The following TET3 variants were observed in gnomAD, a reference collection of about 807,000 sequenced individuals.
TET3 encodes the protein methylcytosine dioxygenase TET3.
In TET3, 19 loss-of-function variants were observed where a neutral mutation model predicts 141.4. The observed-to-expected ratio is 0.13, with a 90% CI of 0.09 to 0.20. The LOEUF is 0.20. Ranked by LOEUF, TET3 falls within the 10% of genes least tolerant of loss-of-function variation. TET3 has a pLI of 1.00. For missense variants in TET3, 1,874 were observed against 2,356.9 expected, an observed-to-expected ratio of 0.80 and a Z score of 4.24; for synonymous variants, 1,043 against 980.9, an observed-to-expected ratio of 1.06 and a Z score of -1.18.
chr2:74,035,885 T>C (rs895372586), intron 3 of TET3, among the ~76,000 whole-genome samples: 2 of 151,490 alleles, frequency 1.3e-5, no homozygotes, highest in African/African-American at 4.9e-5. Flanking sequence ...GGGTGTGATG[T>C]TGTGCGCCTG....
intron 3 of TET3, among the ~76,000 whole-genome samples, chr2:74,017,283 A>G (rs1312283185): frequency 8.5e-5 from 13 of 152,178 alleles, no homozygotes; most frequent in Admixed American, 7.9e-4. Flanking sequence ...CAACCAAACA[A>G]TAAATTGTGA....
At position 74,093,033 on chromosome 2, in the gene TET3, C is replaced by T; in HGVS notation, c.3129+42C>T. The T allele has an allele frequency of 6.6e-7, 1 of 1,519,804 alleles. No homozygotes were observed. Among genetic ancestry groups the T allele is most frequent in the South Asian group, 1.2e-5 (1 of 83,392 alleles). The allele number at this position is 1,519,804 out of a possible 1,614,324, so 94.1% of individuals were successfully genotyped here. On this transcript the variant is annotated intron_variant, in intron 9 of 11. Coordinates refer to ENST00000409262, the MANE Select transcript of TET3 (RefSeq NM_001287491.2). This position sits in a 1 kb window ranked among gnomAD's most constrained non-coding sequence, Gnocchi z 4.2. ...CTTTTGCTGCCCACATGTCACCGTC[C>T]ACATCTCTGCTCAGGCTCTGAAGGT...
intron 11 of TET3, 55 bp downstream of exon 11, chr2:74,099,667 G>T (rs1691056931): frequency 2.7e-6 from 4 of 1,466,326 alleles, no homozygotes; most frequent in Admixed American, 2.4e-5. Flanking sequence ...CCTCATGGGG[G>T]CCCCTGCTCT....
chr2:74,004,451 C>A (rs1029784998), intron 3 of TET3, among the ~76,000 whole-genome samples: 12 of 152,128 alleles, frequency 7.9e-5, no homozygotes, highest in African/African-American at 2.9e-4. Context: ...ATAGGGACTT[C>A]TAGGTGAGGC....
intron 3 of TET3, among the ~76,000 whole-genome samples, chr2:74,009,916 G>A (rs1408288130): frequency 1.3e-5 from 2 of 152,246 alleles, no homozygotes; most frequent in East Asian, 3.8e-4. Flanking sequence ...TCAGGTATGA[G>A]GGCTGGAAGC....
intron 4 of TET3, among the ~76,000 whole-genome samples, chr2:74,069,639 T>C (rs1689098509): frequency 6.6e-6 from 1 of 151,362 alleles, no homozygotes; most frequent in South Asian, 2.1e-4. Flanking sequence ...CAGGCAGGAG[T>C]GCAGTGGTGC....
chr2:74,016,875 A>G (rs1386170404), intron 3 of TET3, among the ~76,000 whole-genome samples: 1 of 148,398 alleles, frequency 6.7e-6, no homozygotes, highest in Non-Finnish European at 1.5e-5. Flanking sequence ...CAATGCATGT[A>G]TATAATGTAT....
the TET3 span, among the ~76,000 whole-genome samples, chr2:74,116,806 G>A: frequency 1.2e-4 from 19 of 152,108 alleles, no homozygotes; most frequent in African/African-American, 3.4e-4. Flanking sequence ...GCCAGGTGTG[G>A]TGGCTCGTGC....
chr2:74,070,655 G>A (rs1252481987), intron 4 of TET3, among the ~76,000 whole-genome samples: 1 of 152,126 alleles, frequency 6.6e-6, no homozygotes, highest in African/African-American at 2.4e-5. Flanking sequence ...TGAATTATGG[G>A]TTGTGTCTTT....
rs1441445457 is a variant in TET3 at position 74,101,778 on chromosome 2, C to T, written c.4990C>T (p.Leu1664Phe). ...CGTGGCCCCAGCCCACGGCTCCATC[C>T]TCATCGAGTGTGCCCGGCGGGAGCT... Reference protein sequence around the residue: ...VAVAPAHGSILIECARRELHA... With the variant: ...VAVAPAHGSIFIECARRELHA... Residue 1664 changes from leucine (L) to phenylalanine (F), a missense_variant, in exon 12 of 12, where the codon CTC becomes TTC. This residue lies in a region of TET3 where 41 missense variants were observed against 116.8 expected (regional missense o/e 0.35). Transcript: ENST00000409262. The surrounding 1 kb of genome is among the most constrained non-coding windows in gnomAD (Gnocchi z 8.5). 3.1e-6 allele frequency: 5 copies of T among 1,613,154 alleles called. No homozygotes were observed. The highest frequency in any genetic ancestry group is 4.2e-6 in the Non-Finnish European group (5 of 1,179,878).
intron 2 of TET3, among the ~76,000 whole-genome samples, chr2:73,997,115 G>A (rs939637355): frequency 2.0e-5 from 3 of 152,236 alleles, no homozygotes; most frequent in Non-Finnish European, 2.9e-5. Context: ...CAGAATGGAT[G>A]GGAAGTTGCA....
intron 2 of TET3, among the ~76,000 whole-genome samples, chr2:73,996,966 ATGGCTGTTCCTGCACTGC>A (rs1232022664): frequency 3.9e-5 from 6 of 152,212 alleles, no homozygotes; most frequent in African/African-American, 1.4e-4. Flanking sequence ...GGCACTGTTG[ATGGCTGTTCCTGCACTGC>A]TGGCTGTGAC....
At chr2:73,994,064 A>G (rs1031586949) in intron 2 of TET3, among the ~76,000 whole-genome samples, 1 of 152,184 alleles carries the variant, frequency 6.6e-6, no homozygotes, top group Non-Finnish European at 1.5e-5. Context: ...AGGTTGGGGC[A>G]GTCAGGTACA....
At chr2:74,025,197 C>T (rs1291039078) in intron 3 of TET3, among the ~76,000 whole-genome samples, 1 of 140,262 alleles carries the variant, frequency 7.1e-6, no homozygotes, top group Non-Finnish European at 1.5e-5. Context: ...GCACTCCAGC[C>T]TGGGTGACAA....
At chr2:74,018,795 T>G (rs1685874028) in intron 3 of TET3, among the ~76,000 whole-genome samples, 1 of 151,986 alleles carries the variant, frequency 6.6e-6, no homozygotes, top group Non-Finnish European at 1.5e-5. Flanking sequence ...TATAAACAAC[T>G]TACCATGTTC....
intron 3 of TET3, among the ~76,000 whole-genome samples, chr2:74,045,729 A>G (rs1194566075): frequency 2.0e-5 from 3 of 152,166 alleles, no homozygotes; most frequent in African/African-American, 4.8e-5. Flanking sequence ...TTAAGTGAGG[A>G]CAGTTTTAGG....
chr2:74,051,353 T>A (rs1209523176), intron 4 of TET3, among the ~76,000 whole-genome samples: 1 of 152,138 alleles, frequency 6.6e-6, no homozygotes, highest in African/African-American at 2.4e-5. Context: ...AATACTTAGG[T>A]AAAAACAGCA....
intron 3 of TET3, among the ~76,000 whole-genome samples, chr2:74,045,745 A>T (rs1170103991): frequency 6.6e-6 from 1 of 152,186 alleles, no homozygotes; most frequent in African/African-American, 2.4e-5. Context: ...TTAGGGGGAG[A>T]AAAGAACTAT....
At chr2:74,134,204 AC>A in the TET3 span, among the ~76,000 whole-genome samples, 1 of 151,980 alleles carries the variant, frequency 6.6e-6, no homozygotes, top group African/African-American at 2.4e-5. Context: ...GTGTTTCCTC[AC>A]CGTATCACCT....
Sources: gnomAD v4.1 joint callset for allele counts (sites outside exome capture counted in the v4.1 genomes callset) on GRCh38, gnomAD v4.1.1 for gene constraint, gnomAD v4.1.1 regional missense constraint, Gnocchi (gnomAD v3.1) non-coding constraint, MANE v1.5 for transcripts, NCBI Gene and HGNC (gene_info 2026-07-23, HGNC 2026-07-21) for gene names.